The following METAP1D variants were observed in gnomAD, a reference collection of about 807,000 sequenced individuals.
METAP1D encodes the protein methionine aminopeptidase 1D, mitochondrial.
A neutral mutation model predicts 40.5 loss-of-function variants in METAP1D; 31 were observed. That is an observed-to-expected ratio of 0.77 (90% CI 0.58 to 1.03). The LOEUF (loss-of-function observed/expected upper bound fraction) is 1.03. Ranked by LOEUF, METAP1D falls within the 50% of genes least tolerant of loss-of-function variation. The pLI is 0.00. For synonymous variants in METAP1D, 151 were observed against 146.4 expected (o/e 1.03, Z -0.22); for missense variants, 411 against 420.7 (o/e 0.98, Z 0.20).
chr2:172,034,304 A>G lies in METAP1D; in HGVS notation c.41-27194A>G, dbSNP rs1020675899. On this transcript the variant is annotated intron_variant, in intron 1 of 9. Transcript: ENST00000315796. ...CTTTTGTGTGTTTTTGAAATTTTCT[A>G]TAATAAAAAGTTTTTAAAATAGGCT... 6.8e-4 allele frequency among the ~76,000 whole-genome samples: 103 copies of G among 152,108 alleles called. 1 individual carries two copies. Among genetic ancestry groups the G allele is most frequent in the African/African-American group, 2.3e-3 (97 of 41,416 alleles).
intron 1 of METAP1D, among the ~76,000 whole-genome samples, chr2:172,023,619 A>G (rs1159910260): frequency 1.3e-5 from 2 of 152,184 alleles, no homozygotes; most frequent in African/African-American, 2.4e-5. Flanking sequence ...ATATCATGGT[A>G]TGTAAATTTT....
intron 5 of METAP1D, 85 bp downstream of exon 5, chr2:172,066,391 G>A (rs1012741248): frequency 1.8e-6 from 2 of 1,122,990 alleles, no homozygotes; most frequent in Non-Finnish European, 2.6e-6. Flanking sequence ...AATGTGAACT[G>A]CACCAGTGGA....
chr2:172,059,703 G>C (rs1178841649), intron 1 of METAP1D, among the ~76,000 whole-genome samples: 2 of 152,190 alleles, frequency 1.3e-5, no homozygotes, highest in African/African-American at 4.8e-5. Context: ...TTTGGCCCTT[G>C]AGCTGTAGTT....
At chr2:172,044,901 TA>T (rs1312658166) in intron 1 of METAP1D, among the ~76,000 whole-genome samples, 1 of 130,310 alleles carries the variant, frequency 7.7e-6, no homozygotes, top group Non-Finnish European at 1.8e-5. Context: ...AAAAAATAAA[TA>T]AATAAATAAA....
rs1300958988 is a variant in METAP1D, at chr2:172,080,335, C to T, written c.937C>T (p.Gln313Ter). Residue 313 changes from glutamine (Q) to a stop codon, truncating the protein, a stop_gained, in exon 10 of 10, where the codon CAG (glutamine) becomes TAG (stop). Transcript: ENST00000315796. LOFTEE classifies it high-confidence loss of function. ...VVSLDNQRSA[Q>*]FEHTVLITSR... ...CTGGGTGCTGTGTTACAGGTCGGCG[C>T]AGTTCGAGCACACGGTTCTGATCAC... 1.2e-6 allele frequency: 2 copies of T among 1,613,980 alleles called. No individual in the cohort carries two copies. Among genetic ancestry groups the T allele is most frequent in the Non-Finnish European group, 1.7e-6 (2 of 1,179,946 alleles).
intron 1 of METAP1D, among the ~76,000 whole-genome samples, chr2:172,027,449 G>A (rs1459645350): frequency 6.6e-6 from 1 of 152,190 alleles, no homozygotes; most frequent in African/African-American, 2.4e-5. Flanking sequence ...AGGAGCAATA[G>A]GCTATCCCAT....
intron 1 of METAP1D, among the ~76,000 whole-genome samples, chr2:172,031,578 A>G (rs1271575990): frequency 6.6e-6 from 1 of 152,216 alleles, no homozygotes; most frequent in Non-Finnish European, 1.5e-5. Context: ...CACAATACCA[A>G]AGTGTTTCCA....
intron 1 of METAP1D, among the ~76,000 whole-genome samples, chr2:172,016,385 AG>A (rs1688866296): frequency 7.0e-6 from 1 of 142,746 alleles, no homozygotes; most frequent in African/African-American, 2.6e-5. Context: ...TGGAAGGCCA[AG>A]GCAGGTGGAT....
At chr2:172,052,505 G>A (rs1003872947) in intron 1 of METAP1D, among the ~76,000 whole-genome samples, 3 of 152,112 alleles carry the variant, frequency 2.0e-5, no homozygotes, top group Middle Eastern at 3.2e-3. Flanking sequence ...TACATGGCTC[G>A]CTCTGTATTT....
rs1291755944 is a variant in METAP1D, at chr2:171,999,987, C to A, written c.18C>A (p.Gly6=). The change falls in exon 1 of 10, where the codon GGC becomes GGA. Residue 6 remains glycine, a synonymous_variant. Transcript: ENST00000315796. ...ACGCCAACATGGCGGCGCCCAGTGGCGTCCACCTGCTCGTCCGCAGAGGTA... is the reference window on the plus strand; with the variant it reads ...ACGCCAACATGGCGGCGCCCAGTGGAGTCCACCTGCTCGTCCGCAGAGGTA... The part of the protein sequence containing the change: MAAPS[G]VHLLVRRGSH... 7.4e-7 allele frequency: 1 copy of A among 1,347,122 alleles called. No homozygotes were observed. Among genetic ancestry groups the A allele is most frequent in the Non-Finnish European group, 9.6e-7 (1 of 1,042,024 alleles). 83.4% of individuals were successfully genotyped at this position (1,347,122 alleles called of 1,614,324 possible).
intron 5 of METAP1D, among the ~76,000 whole-genome samples, chr2:172,067,365 TTAAC>T (rs1690307923): frequency 6.6e-6 from 1 of 152,150 alleles, no homozygotes; most frequent in South Asian, 2.1e-4. Flanking sequence ...TTAGTTTAAG[TTAAC>T]TAAACCTTTT....
intron 1 of METAP1D, among the ~76,000 whole-genome samples, chr2:172,017,776 T>C (rs770812838): frequency 6.6e-6 from 1 of 151,518 alleles, no homozygotes; most frequent in Non-Finnish European, 1.5e-5. Context: ...AATTGGGTAA[T>C]TGTCACTAGG....
intron 1 of METAP1D, among the ~76,000 whole-genome samples, chr2:172,011,520 G>A (rs1051013616): frequency 1.3e-5 from 2 of 151,982 alleles, no homozygotes; most frequent in Non-Finnish European, 2.9e-5. Flanking sequence ...TCCTGACCTC[G>A]TGATCCTCCT....
Position 172,024,888 on chromosome 2 carries a change from G to A in METAP1D, c.40+24879G>A, listed in dbSNP as rs1446211897. ...ATATATTTTTTAATTAGGCCATATT[G>A]CTCAGTTGATGCTTGAGCAGTAAAC... On this transcript the variant is annotated intron_variant, in intron 1 of 9. Transcript: ENST00000315796. Among the ~76,000 whole-genome samples, 3 of 152,056 alleles carry A rather than the reference G, an allele frequency of 2.0e-5. No individual in the cohort carries two copies. In the East Asian group the frequency reaches 5.8e-4, roughly 29 times the overall value.
intron 1 of METAP1D, among the ~76,000 whole-genome samples, chr2:172,017,361 ATGTATATATATG>A (rs1335175369): frequency 2.7e-5 from 4 of 147,928 alleles, no homozygotes; most frequent in African/African-American, 4.9e-5. Flanking sequence ...ATAGGTATAT[ATGTATATATATG>A]TGTATATATA....
At chr2:172,035,710 A>C (rs1689361087) in intron 1 of METAP1D, among the ~76,000 whole-genome samples, 2 of 151,964 alleles carry the variant, frequency 1.3e-5, no homozygotes, top group African/African-American at 4.8e-5. Flanking sequence ...ATGCAGTGGC[A>C]TGATCACAGC....
At chr2:172,036,189 T>C (rs112572438) in intron 1 of METAP1D, among the ~76,000 whole-genome samples, 139,437 of 149,280 alleles carry the variant, frequency 0.93, 65,846 homozygotes, top group Non-Finnish European at 0.99. Flanking sequence ...TGGTGGCGGG[T>C]GCCTGTAGTC....
At chr2:172,078,504 C>T (rs1241305498) in intron 7 of METAP1D, among the ~76,000 whole-genome samples, 1 of 152,134 alleles carries the variant, frequency 6.6e-6, no homozygotes, top group Admixed American at 6.5e-5. Context: ...AGTGGAGCAC[C>T]CTCAAGGCAG....
intron 1 of METAP1D, among the ~76,000 whole-genome samples, chr2:172,010,638 G>A (rs1194755604): frequency 2.6e-5 from 4 of 151,002 alleles, no homozygotes; most frequent in Admixed American, 2.0e-4. Flanking sequence ...GATTGTAGGC[G>A]TGTGCCACCT....
Sources: gnomAD v4.1 joint callset for allele counts (sites outside exome capture counted in the v4.1 genomes callset) on GRCh38, gnomAD v4.1.1 for gene constraint, MANE v1.5 for transcripts, NCBI Gene and HGNC (gene_info 2026-07-23, HGNC 2026-07-21) for gene names.